The following CSGALNACT1 variants were observed in gnomAD, a reference collection of about 807,000 sequenced individuals.
CSGALNACT1 encodes the protein beta4GalNAcT-1.
CSGALNACT1 carries 52 observed loss-of-function variants against 51.0 expected under a neutral mutation model. The observed-to-expected ratio is 1.02, with a 90% CI of 0.82 to 1.29. CSGALNACT1 has a LOEUF of 1.29. Ranked by LOEUF, CSGALNACT1 falls within the 50% of genes most tolerant of loss-of-function variation. The probability of loss-of-function intolerance (pLI) is 0.00; values close to 1 mark genes in which losing one functional copy is unlikely to be tolerated. For synonymous variants in CSGALNACT1, 341 were observed against 254.4 expected (o/e 1.34, Z -3.24); for missense variants, 935 against 679.2 (o/e 1.38, Z -4.19).
At chr8:19,749,602 A>G (rs548674652) in intron 1 of CSGALNACT1, among the ~76,000 whole-genome samples, 30 of 152,252 alleles carry the variant, frequency 2.0e-4, no homozygotes, top group African/African-American at 7.0e-4. Flanking sequence ...CACTTGGAAC[A>G]TCTCTCTAAA....
At position 19,448,673 on chromosome 8, in the gene CSGALNACT1, C is replaced by A. The variant is rs556210463; in HGVS notation, c.852-8742G>T. On this transcript the variant is annotated intron_variant, in intron 5 of 9. Transcript: ENST00000454498. ...TTGATAGGTGAGTAGCCACCCCGCA[C>A]ATGAACAAGGGCAGAGGCAGGGCTT... 1.6e-4 allele frequency among the ~76,000 whole-genome samples: 25 copies of A among 152,256 alleles called. No homozygotes were observed. The South Asian group carries it at 5.0e-3, about 30-fold the overall frequency.
chr8:19,533,237 C>T (rs1241071182), intron 3 of CSGALNACT1, among the ~76,000 whole-genome samples: 3 of 152,076 alleles, frequency 2.0e-5, no homozygotes, highest in Non-Finnish European at 4.4e-5. Flanking sequence ...TCACTTCAGC[C>T]TCTTGAGTAG....
At chr8:19,558,084 G>A (rs1440027739) in intron 3 of CSGALNACT1, among the ~76,000 whole-genome samples, 1 of 152,192 alleles carries the variant, frequency 6.6e-6, no homozygotes, top group Non-Finnish European at 1.5e-5. Flanking sequence ...CTGCATGGCT[G>A]CTTTTGTCTC....
At chr8:19,751,659 G>A (rs1336193099) in intron 1 of CSGALNACT1, among the ~76,000 whole-genome samples, 7 of 152,158 alleles carry the variant, frequency 4.6e-5, no homozygotes, top group African/African-American at 1.4e-4. Context: ...ACATATGGAA[G>A]GAGGGGCCTT....
chr8:19,511,303 G>C (rs1002588760), intron 3 of CSGALNACT1, among the ~76,000 whole-genome samples: 1 of 152,220 alleles, frequency 6.6e-6, no homozygotes, highest in African/African-American at 2.4e-5. Flanking sequence ...GGAAGTGGTA[G>C]ACCAAAGCCC....
In CSGALNACT1 at chr8:19,755,603, A is replaced by T. The variant is rs767139471; in HGVS notation, c.-297+2247T>A. Among the ~76,000 whole-genome samples, 35 of 152,180 alleles carry T rather than the reference A, an allele frequency of 2.3e-4. 1 individual carries two copies. Among genetic ancestry groups the T allele is most frequent in the Non-Finnish European group, 4.6e-4 (31 of 68,042 alleles). On this transcript the variant is annotated intron_variant, in intron 1 of 1. Transcript: ENST00000517494. ...TACTATTGGCATTTTACAAATTAGGACACCAAGGCTAGGAAAGGGGAAGTA... is the reference window on the plus strand; with the variant it reads ...TACTATTGGCATTTTACAAATTAGGTCACCAAGGCTAGGAAAGGGGAAGTA...
At chr8:19,598,537 A>G (rs1315146651) in intron 2 of CSGALNACT1, among the ~76,000 whole-genome samples, 1 of 152,236 alleles carries the variant, frequency 6.6e-6, no homozygotes, top group Admixed American at 6.5e-5. Flanking sequence ...AGAGTTTTAT[A>G]TTATTATTTA....
At chr8:19,436,595 G>A (rs965693915) in intron 6 of CSGALNACT1, among the ~76,000 whole-genome samples, 2 of 152,152 alleles carry the variant, frequency 1.3e-5, no homozygotes, top group Non-Finnish European at 2.9e-5. Context: ...AAAGTTTCAT[G>A]TATAAGCTCA....
At chr8:19,663,733 G>T (rs924889715) in intron 1 of CSGALNACT1, among the ~76,000 whole-genome samples, 8 of 152,314 alleles carry the variant, frequency 5.3e-5, no homozygotes, top group African/African-American at 1.7e-4. Flanking sequence ...TGAGGAAAAC[G>T]CAATACTACA....
intron 4 of CSGALNACT1, among the ~76,000 whole-genome samples, chr8:19,473,959 GAA>G (rs1456831475): frequency 6.6e-6 from 1 of 152,210 alleles, no homozygotes; most frequent in Non-Finnish European, 1.5e-5. Flanking sequence ...GTAAGCTTGA[GAA>G]AATACAGGTT....
At chr8:19,637,595 A>G (rs73214663) in intron 1 of CSGALNACT1, among the ~76,000 whole-genome samples, 2,931 of 152,302 alleles carry the variant, frequency 0.019, 53 homozygotes, top group South Asian at 0.044. Context: ...GCCTCCAGAT[A>G]CTGTTAATAT....
Position 19,409,500 on chromosome 8 carries a change from T to TATAG in CSGALNACT1, c.1228-807_1228-806insCTAT, listed in dbSNP as rs1021722551. 5.3e-3 allele frequency among the ~76,000 whole-genome samples: 736 copies of TATAG among 139,958 alleles called. 2 individuals carry two copies. The highest frequency in any genetic ancestry group is 0.018 in the African/African-American group (706 of 39,340). 91.8% of individuals were successfully genotyped at this position (139,958 alleles called of 152,430 possible). A position where few individuals can be genotyped will look rare whatever the true frequency, so the allele number is the denominator to read the frequency against. On this transcript the variant is annotated intron_variant, in intron 8 of 9. Coordinates refer to ENST00000454498, the Ensembl canonical transcript of CSGALNACT1. Reference sequence around the variant, plus strand: ...CTGCATGTGTACATATATATATATATAGAGAGAGAGAGAGAGAGAGAAACA... The same window carrying TATAG: ...CTGCATGTGTACATATATATATATATATAGAGAGAGAGAGAGAGAGAGAGAAACA...
chr8:19,735,695 C>G (rs537073183), intron 1 of CSGALNACT1, among the ~76,000 whole-genome samples: 2 of 152,076 alleles, frequency 1.3e-5, no homozygotes, highest in Admixed American at 6.5e-5. Flanking sequence ...AGATCTGACC[C>G]TTATTTAACA....
chr8:19,636,901 G>T (rs1165826517), intron 1 of CSGALNACT1, among the ~76,000 whole-genome samples: 1 of 151,988 alleles, frequency 6.6e-6, no homozygotes, highest in African/African-American at 2.4e-5. Flanking sequence ...TCATTAAAGA[G>T]TCTTAAGGAG....
At chr8:19,667,047 G>GAAAGA (rs1564387063) in intron 1 of CSGALNACT1, among the ~76,000 whole-genome samples, 1 of 83,328 alleles carries the variant, frequency 1.2e-5, no homozygotes, top group East Asian at 4.1e-4. Context: ...AAGGAAGAAA[G>GAAAGA]AAAGAAAGAA....
intron 8 of CSGALNACT1, among the ~76,000 whole-genome samples, chr8:19,417,021 A>G (rs2057023997): frequency 6.6e-6 from 1 of 152,024 alleles, no homozygotes; most frequent in South Asian, 2.1e-4. Context: ...ATGCACGCCT[A>G]ATTTTTTATT....
chr8:19,731,513 T>C (rs1284422510), intron 1 of CSGALNACT1, among the ~76,000 whole-genome samples: 1 of 151,944 alleles, frequency 6.6e-6, no homozygotes, highest in Non-Finnish European at 1.5e-5. Context: ...CTCAAATAAA[T>C]AAATAAATAT....
chr8:19,598,543 A>C (rs1205656745), intron 2 of CSGALNACT1, among the ~76,000 whole-genome samples: 1 of 152,172 alleles, frequency 6.6e-6, no homozygotes, highest in African/African-American at 2.4e-5. Flanking sequence ...TTATATTATT[A>C]TTTACTTATA....
intron 4 of CSGALNACT1, among the ~76,000 whole-genome samples, chr8:19,469,919 G>C (rs1292179897): frequency 6.6e-6 from 1 of 152,166 alleles, no homozygotes; most frequent in Non-Finnish European, 1.5e-5. Flanking sequence ...TTCACAGAAG[G>C]AGAAAGGGAG....
Sources: allele counts gnomAD v4.1 joint callset (sites outside exome capture counted in the v4.1 genomes callset), GRCh38; gene constraint gnomAD v4.1.1; transcripts MANE v1.5; gene names NCBI Gene and HGNC (gene_info 2026-07-23, HGNC 2026-07-21).